The following THSD4 variants were observed in gnomAD, a reference collection of about 807,000 sequenced individuals.
THSD4 encodes thrombospondin type-1 domain-containing protein 4.
In THSD4, 69 loss-of-function variants were observed where a neutral mutation model predicts 119.0. That is an observed-to-expected ratio of 0.58 (90% CI 0.48 to 0.71). THSD4 has a LOEUF of 0.71. THSD4 is among the 30% of genes least tolerant of loss of function. The pLI, the probability that THSD4 is intolerant of heterozygous loss-of-function variation, is 0.00. For missense variants in THSD4, 1,393 were observed against 1,391.1 expected (o/e 1.00, Z -0.02); for synonymous variants, 524 against 540.4 (o/e 0.97, Z 0.42).
At chr15:71,488,490 A>G (rs1030047452) in intron 7 of THSD4, among the ~76,000 whole-genome samples, 1 of 152,172 alleles carries the variant, frequency 6.6e-6, no homozygotes, top group Non-Finnish European at 1.5e-5. Flanking sequence ...TAAGTTTGAG[A>G]TTTCCTGTTC....
At chr15:71,734,342 A>G (rs1219725796) in intron 10 of THSD4, among the ~76,000 whole-genome samples, 2 of 152,226 alleles carry the variant, frequency 1.3e-5, no homozygotes, top group Admixed American at 1.3e-4. Flanking sequence ...ATCACGTCAC[A>G]AAGAGACATG....
chr15:71,453,690 G>A (rs939015850), intron 7 of THSD4, among the ~76,000 whole-genome samples: 6 of 152,184 alleles, frequency 3.9e-5, no homozygotes, highest in Non-Finnish European at 7.4e-5. Flanking sequence ...TGGAGGTATT[G>A]TATCCAGACA....
intron 3 of THSD4, among the ~76,000 whole-genome samples, chr15:71,199,890 G>GGTGT (rs2043782158): frequency 2.6e-5 from 1 of 39,102 alleles, no homozygotes; most frequent in Admixed American, 4.7e-4. Context: ...GTGCATGTGT[G>GGTGT]GTATGTGTGT....
At chr15:71,636,208 G>A (rs2050736001) in intron 7 of THSD4, among the ~76,000 whole-genome samples, 1 of 152,210 alleles carries the variant, frequency 6.6e-6, no homozygotes, top group African/African-American at 2.4e-5. Flanking sequence ...GATCACTTGG[G>A]GTCAGGCGTT....
intron 7 of THSD4, among the ~76,000 whole-genome samples, chr15:71,482,018 G>A (rs2047737608): frequency 6.6e-6 from 1 of 152,114 alleles, no homozygotes; most frequent in Admixed American, 6.5e-5. Context: ...TAGAAAACAT[G>A]GGGTAAAAAA....
intron 3 of THSD4, chr15:71,183,997 T>C (rs1421698200): frequency 6.6e-6 from 1 of 151,770 alleles, no homozygotes; most frequent in Non-Finnish European, 1.5e-5. Flanking sequence ...CCTGCAGAGG[T>C]GGCACTATAG....
chr15:71,749,732 T>TATTTATTTATTC (rs1231546795), intron 14 of THSD4, among the ~76,000 whole-genome samples: 5 of 150,726 alleles, frequency 3.3e-5, no homozygotes, highest in African/African-American at 1.2e-4. Flanking sequence ...TTTATTTATT[T>TATTTATTTATTC]ATTTTGAGAC....
chr15:71,243,236 T>C (rs1199937008), intron 5 of THSD4, 140 bp downstream of exon 5: 1 of 878,768 alleles, frequency 1.1e-6, no homozygotes, highest in African/African-American at 1.7e-5. Context: ...TCCTTTCTCT[T>C]TGCTTTCCAT....
At chr15:71,592,442 G>A (rs2049824815) in intron 7 of THSD4, among the ~76,000 whole-genome samples, 1 of 152,154 alleles carries the variant, frequency 6.6e-6, no homozygotes, top group Non-Finnish European at 1.5e-5. Flanking sequence ...AGAGGTGCTA[G>A]GAGAAGCTGT....
At chr15:71,709,549 A>C (rs992415651) in intron 8 of THSD4, among the ~76,000 whole-genome samples, 5 of 152,194 alleles carry the variant, frequency 3.3e-5, no homozygotes, top group Non-Finnish European at 7.3e-5. Context: ...CAGCCGGATA[A>C]CATGTGGCAG....
In THSD4 at chr15:71,215,406, G is replaced by A; in HGVS notation, c.464+7G>A. On this transcript the variant is annotated splice_region_variant and intron_variant, in intron 4 of 17. Coordinates refer to ENST00000261862, the MANE Select transcript of THSD4 (RefSeq NM_024817.3). ...AAGTCACTGGGGACAGAAGGTACAC[G>A]CCCGCCCTTGTCTGTGCCGCTCCCC... is the stretch of plus-strand genomic sequence containing the variant. 1 of 1,519,530 alleles carries A rather than the reference G, an allele frequency of 6.6e-7. No individual in the cohort carries two copies. The highest frequency in any genetic ancestry group is 8.8e-7 in the Non-Finnish European group (1 of 1,138,490). 94.1% of individuals were successfully genotyped at this position (1,519,530 alleles called of 1,614,324 possible).
intron 7 of THSD4, among the ~76,000 whole-genome samples, chr15:71,482,973 C>T (rs1425828237): frequency 1.3e-5 from 2 of 152,116 alleles, no homozygotes; most frequent in African/African-American, 4.8e-5. Flanking sequence ...TCTCATTGGC[C>T]AGAACCATTG....
chr15:71,202,779 G>T (rs2043814175), intron 3 of THSD4, among the ~76,000 whole-genome samples: 1 of 152,074 alleles, frequency 6.6e-6, no homozygotes, highest in Non-Finnish European at 1.5e-5. Flanking sequence ...GAGAAGCCTG[G>T]TGGTTGCGGG....
In THSD4 at chr15:71,599,002, C is replaced by T. The variant is rs535158922; in HGVS notation, c.1153-61528C>T. Among the ~76,000 whole-genome samples, 6 of 152,244 alleles carry T rather than the reference C, an allele frequency of 3.9e-5. No individual in the cohort carries two copies. The East Asian group carries it at 1.2e-3, about 29-fold the overall frequency. ...TTAAGTCCTGCCCACTTTATGACAA[C>T]TTTTTCAACTAATCCGATTTGCTCC... is the stretch of plus-strand genomic sequence containing the variant. On this transcript the variant is annotated intron_variant, in intron 7 of 17. Coordinates refer to ENST00000261862, the MANE Select transcript of THSD4 (RefSeq NM_024817.3).
intron 7 of THSD4, among the ~76,000 whole-genome samples, chr15:71,585,381 C>T (rs776563478): frequency 3.3e-5 from 5 of 152,174 alleles, no homozygotes; most frequent in Admixed American, 6.5e-5. Context: ...TTGTTCCTTT[C>T]GGCACTCTGA....
At chr15:71,445,875 A>G (rs949559303) in intron 7 of THSD4, among the ~76,000 whole-genome samples, 11 of 152,242 alleles carry the variant, frequency 7.2e-5, no homozygotes, top group African/African-American at 1.7e-4. Flanking sequence ...TTGTACATCA[A>G]AGCATTAAGC....
At chr15:71,407,628 A>G (rs184416624) in intron 6 of THSD4, among the ~76,000 whole-genome samples, 78 of 152,162 alleles carry the variant, frequency 5.1e-4, no homozygotes, top group African/African-American at 1.7e-3. Context: ...GGGCTTTTAA[A>G]TATCAGGGCT....
chr15:71,661,210 T>A (rs1240326560), intron 8 of THSD4, among the ~76,000 whole-genome samples: 1 of 152,138 alleles, frequency 6.6e-6, no homozygotes, highest in Admixed American at 6.5e-5. Flanking sequence ...TACATAGTAG[T>A]GTGCATGTCT....
chr15:71,291,569 C>T (rs142187107), intron 6 of THSD4, among the ~76,000 whole-genome samples: 2 of 152,272 alleles, frequency 1.3e-5, no homozygotes, highest in Non-Finnish European at 2.9e-5. Flanking sequence ...TTGTTCTATT[C>T]TGGCCTTAAG....
Sources: allele counts gnomAD v4.1 joint callset (sites outside exome capture counted in the v4.1 genomes callset), GRCh38; gene constraint gnomAD v4.1.1; transcripts MANE v1.5; gene names NCBI Gene and HGNC (gene_info 2026-07-23, HGNC 2026-07-21).